The following SEMA3C variants were observed in gnomAD, a reference collection of about 807,000 sequenced individuals.
The protein encoded by SEMA3C is semaphorin-3C.
In SEMA3C, 47 loss-of-function variants were observed where a neutral mutation model predicts 89.4. That is an observed-to-expected ratio of 0.53 (90% confidence interval 0.42 to 0.67). SEMA3C has a LOEUF of 0.67. Ranked by LOEUF, SEMA3C falls within the 30% of genes least tolerant of loss-of-function variation. The pLI is 0.00. For synonymous variants in SEMA3C, 310 were observed against 320.2 expected (o/e 0.97, Z 0.34); for missense variants, 839 against 929.1 (o/e 0.90, Z 1.26).
At position 80,789,481 on chromosome 7, in the gene SEMA3C, G is replaced by A. The variant is rs201623532; in HGVS notation, c.1179C>T (p.Phe393=). 7 of 1,613,900 alleles carry A rather than the reference G, an allele frequency of 4.3e-6. No homozygotes were observed. The African/African-American group carries it at 8.0e-5, about 18-fold the overall frequency. Residue 393 remains phenylalanine, a synonymous_variant, in exon 12 of 18, where the codon TTC becomes TTT. Transcript: ENST00000265361. ...FTPNMRTTKE[F]PDDVVTFIRN... ...GAATAAAAGTGACAACATCATCTGG[G>A]AACTCCTTGGTGGTTCGCATATTGG...
intron 2 of SEMA3C, among the ~76,000 whole-genome samples, chr7:80,845,739 G>A (rs1203875176): frequency 1.3e-5 from 2 of 152,008 alleles, no homozygotes. Flanking sequence ...TTATTGAATG[G>A]TGGAAAACCA....
At chr7:80,751,435 G>A (rs1045250096) in intron 15 of SEMA3C, 99 bp from the exon 16 acceptor site, 5 of 1,030,726 alleles carry the variant, frequency 4.9e-6, no homozygotes, top group African/African-American at 4.8e-5. Flanking sequence ...CCTTTTTATT[G>A]CTAAGCTTTC....
chr7:80,891,172 C>A (rs993239605), intron 2 of SEMA3C, among the ~76,000 whole-genome samples: 6 of 152,146 alleles, frequency 3.9e-5, no homozygotes, highest in Admixed American at 3.9e-4. Flanking sequence ...CAGACACACT[C>A]AGCATTTTGT....
At chr7:80,762,180 A>C (rs1583853041) in intron 13 of SEMA3C, among the ~76,000 whole-genome samples, 1 of 152,106 alleles carries the variant, frequency 6.6e-6, no homozygotes, top group Non-Finnish European at 1.5e-5. Flanking sequence ...CTGAGAAGGA[A>C]ATTTTTGGAA....
chr7:80,859,665 A>G (rs1790725227), intron 2 of SEMA3C, among the ~76,000 whole-genome samples: 1 of 152,204 alleles, frequency 6.6e-6, no homozygotes, highest in South Asian at 2.1e-4. Context: ...TTGGCGGCAC[A>G]CATTTTCAAA....
chr7:80,919,293 A>C (rs1185456100), upstream of SEMA3C: 1 of 983,920 alleles, frequency 1.0e-6, no homozygotes, highest in East Asian at 1.1e-4. Flanking sequence ...GGCCAGACGC[A>C]AGAATGCGCG....
chr7:80,834,318 T>C (rs1790077234), intron 2 of SEMA3C, among the ~76,000 whole-genome samples: 1 of 152,132 alleles, frequency 6.6e-6, no homozygotes, highest in Admixed American at 6.5e-5. Flanking sequence ...TGCTGCACAA[T>C]ATGCTTACCT....
At chr7:80,876,011 A>T (rs973490576) in intron 2 of SEMA3C, among the ~76,000 whole-genome samples, 3 of 152,164 alleles carry the variant, frequency 2.0e-5, no homozygotes, top group Admixed American at 1.3e-4. Flanking sequence ...ACCGTGCATG[A>T]TAACTACTTA....
Position 80,756,692 on chromosome 7 carries a change from G to A in SEMA3C, c.1643+1639C>T, listed in dbSNP as rs190252338. Among the ~76,000 whole-genome samples, 9 of 152,250 alleles carry A rather than the reference G, an allele frequency of 5.9e-5. No individual in the cohort carries two copies. The East Asian group carries it at 1.5e-3, about 26-fold the overall frequency. On this transcript the variant is annotated intron_variant, in intron 15 of 17. Coordinates refer to ENST00000265361, the MANE Select transcript of SEMA3C (RefSeq NM_006379.5). ...TTAGGGCTGTTTCTTGAGCAATCCTGACATACTCCAGTATTAGAGATTTCT... is the reference window on the plus strand; with the variant it reads ...TTAGGGCTGTTTCTTGAGCAATCCTAACATACTCCAGTATTAGAGATTTCT...
chr7:80,763,320 A>C (rs374441537), intron 13 of SEMA3C, among the ~76,000 whole-genome samples: 2 of 152,216 alleles, frequency 1.3e-5, no homozygotes, highest in Non-Finnish European at 2.9e-5. Flanking sequence ...TGTATCATAC[A>C]CACCCAATTA....
At chr7:80,822,924 A>G (rs923491728) in intron 4 of SEMA3C, among the ~76,000 whole-genome samples, 1 of 152,188 alleles carries the variant, frequency 6.6e-6, no homozygotes, top group South Asian at 2.1e-4. Context: ...CACAGTAAAA[A>G]TCCACAAAAA....
intron 16 of SEMA3C, among the ~76,000 whole-genome samples, chr7:80,749,447 T>C (rs186316893): frequency 6.6e-6 from 1 of 152,268 alleles, no homozygotes; most frequent in East Asian, 1.9e-4. Flanking sequence ...GCCAGGTTTA[T>C]CCCATTCCTA....
At chr7:80,911,898 G>A (rs1792159963) in intron 2 of SEMA3C, among the ~76,000 whole-genome samples, 1 of 152,098 alleles carries the variant, frequency 6.6e-6, no homozygotes, top group Non-Finnish European at 1.5e-5. Context: ...CTCCCAAAGT[G>A]CTAGGATTAC....
intron 2 of SEMA3C, among the ~76,000 whole-genome samples, chr7:80,916,005 T>A (rs1231601653): frequency 6.6e-6 from 1 of 152,168 alleles, no homozygotes; most frequent in African/African-American, 2.4e-5. Flanking sequence ...CTTTGAACTA[T>A]ATACATTAAA....
At chr7:80,866,957 T>C (rs530314235) in intron 2 of SEMA3C, among the ~76,000 whole-genome samples, 2 of 152,252 alleles carry the variant, frequency 1.3e-5, no homozygotes, top group African/African-American at 4.8e-5. Context: ...GTGGAAACAA[T>C]GGAGCCTGTG....
chr7:80,763,270 T>C (rs1788226600), intron 13 of SEMA3C, among the ~76,000 whole-genome samples: 1 of 152,186 alleles, frequency 6.6e-6, no homozygotes, highest in African/African-American at 2.4e-5. Flanking sequence ...AAGAAAACTT[T>C]TCAATTTAAA....
At chr7:80,919,479 C>A, upstream of SEMA3C, 1 of 691,704 alleles carries the variant, frequency 1.4e-6, no homozygotes, top group East Asian at 1.3e-4. Context: ...TTTATTTTTG[C>A]CAGGGAAGGA....
rs58566322 is a variant in SEMA3C at position 80,856,583 on chromosome 7, G to GA, written c.104-27839dup. Among the ~76,000 whole-genome samples, 1,122 of 116,232 alleles carry GA rather than the reference G, an allele frequency of 9.7e-3. 9 individuals are homozygous for GA. Among genetic ancestry groups the GA allele is most frequent in the South Asian group, 0.036 (131 of 3,662 alleles). 76.3% of individuals were successfully genotyped at this position (116,232 alleles called of 152,430 possible). ...CTAGGTTGGAATAGGAATTTATGCTGAAAAAAAAAAAAAATCCTTACACCT... is the reference window on the plus strand; with the variant it reads ...CTAGGTTGGAATAGGAATTTATGCTGAAAAAAAAAAAAAAATCCTTACACCT... On this transcript the variant is annotated intron_variant, in intron 2 of 17. Coordinates refer to ENST00000265361, the MANE Select transcript of SEMA3C (RefSeq NM_006379.5).
chr7:80,844,131 C>G (rs1790335082), intron 2 of SEMA3C, among the ~76,000 whole-genome samples: 1 of 152,118 alleles, frequency 6.6e-6, no homozygotes, highest in South Asian at 2.1e-4. Flanking sequence ...AGAATATGCT[C>G]AGCTGAGGCA....
Sources: allele counts gnomAD v4.1 joint callset (sites outside exome capture counted in the v4.1 genomes callset), GRCh38; gene constraint gnomAD v4.1.1; transcripts MANE v1.5; gene names NCBI Gene and HGNC (gene_info 2026-07-23, HGNC 2026-07-21).